Variants in CADM2 observed in about 807,000 individuals in gnomAD.
CADM2 encodes cell adhesion molecule 2.
CADM2 carries 12 observed loss-of-function variants against 49.8 expected under a neutral mutation model. That is an observed-to-expected ratio of 0.24 (90% CI 0.15 to 0.39). The LOEUF is 0.39. Among genes scored for constraint, CADM2 ranks in the 10% least tolerant of loss-of-function variants. The pLI is 1.00. For missense variants in CADM2, 378 were observed against 492.3 expected, an observed-to-expected ratio of 0.77 and a Z score of 2.20; for synonymous variants, 214 against 175.4, an observed-to-expected ratio of 1.22 and a Z score of -1.74.
At chr3:85,854,731 T>A (rs1031071095) in intron 3 of CADM2, among the ~76,000 whole-genome samples, 2 of 152,128 alleles carry the variant, frequency 1.3e-5, no homozygotes, top group Non-Finnish European at 2.9e-5. Flanking sequence ...TATACCTATG[T>A]AACAAGCCTG....
At chr3:85,759,703 T>C (rs2069283960) in intron 2 of CADM2, among the ~76,000 whole-genome samples, 1 of 152,140 alleles carries the variant, frequency 6.6e-6, no homozygotes, top group African/African-American at 2.4e-5. Flanking sequence ...TCTGGAAATA[T>C]AGTCTTTATT....
chr3:85,211,852 A>AT (rs2041787522), intron 1 of CADM2, among the ~76,000 whole-genome samples: 1 of 151,994 alleles, frequency 6.6e-6, no homozygotes, highest in Admixed American at 6.6e-5. Context: ...TGTCTGGATG[A>AT]TTTTTCAAAT....
intron 1 of CADM2, among the ~76,000 whole-genome samples, chr3:85,059,476 G>A (rs1176867219): frequency 6.6e-6 from 1 of 152,074 alleles, no homozygotes; most frequent in East Asian, 1.9e-4. Context: ...GAGTAGACAA[G>A]TAAATCAAAG....
chr3:85,296,294 C>T (rs1180163013), intron 1 of CADM2, among the ~76,000 whole-genome samples: 1 of 151,766 alleles, frequency 6.6e-6, no homozygotes, highest in Non-Finnish European at 1.5e-5. Flanking sequence ...AGAAGCAGTA[C>T]AAGAATTAAT....
chr3:85,917,599 C>T (rs535103695), intron 6 of CADM2, among the ~76,000 whole-genome samples: 2 of 152,014 alleles, frequency 1.3e-5, no homozygotes, highest in Non-Finnish European at 2.9e-5. Flanking sequence ...AGTCAGGTAG[C>T]GTGATGCCTC....
intron 1 of CADM2, among the ~76,000 whole-genome samples, chr3:85,546,319 G>A (rs779027385): frequency 6.6e-6 from 1 of 152,096 alleles, no homozygotes; most frequent in African/African-American, 2.4e-5. Context: ...TTTACATTTT[G>A]AGTTGCTTCT....
chr3:86,071,514 A>G lies in CADM2; in HGVS notation c.*4731A>G, dbSNP rs1739864686. The G allele has an allele frequency of 6.6e-6, 1 of 151,934 alleles. No individual in the cohort carries two copies. Among genetic ancestry groups the G allele is most frequent in the Admixed American group, 6.6e-5 (1 of 15,234 alleles). The allele number at this position is 151,934 out of a possible 1,614,324, so 9.4% of individuals were successfully genotyped here. A position where few individuals can be genotyped will look rare whatever the true frequency, so the allele number is the denominator to read the frequency against. On this transcript the variant is annotated 3_prime_UTR_variant, in exon 10 of 10. Transcript: ENST00000383699. The stretch of plus-strand genomic sequence containing the variant: ...ATATTGAATGCAATAGTTATTGGAT[A>G]TAGCTGGTAAGTTCTCTGCCATGCA...
At chr3:85,605,322 A>T (rs1559938540) in intron 1 of CADM2, among the ~76,000 whole-genome samples, 1 of 152,046 alleles carries the variant, frequency 6.6e-6, no homozygotes, top group Non-Finnish European at 1.5e-5. Context: ...TATTCTCCAG[A>T]CTTAATCCAT....
At chr3:86,025,810 G>A (rs1429791642) in intron 8 of CADM2, among the ~76,000 whole-genome samples, 1 of 151,778 alleles carries the variant, frequency 6.6e-6, no homozygotes, top group Non-Finnish European at 1.5e-5. Flanking sequence ...TAATAATCTG[G>A]AACTAAACAT....
chr3:86,037,964 G>T (rs2107207866), intron 8 of CADM2, among the ~76,000 whole-genome samples: 1 of 152,182 alleles, frequency 6.6e-6, no homozygotes, highest in South Asian at 2.1e-4. Flanking sequence ...TTAGGTATTT[G>T]TGCTAATGAT....
At chr3:85,791,447 T>A (rs1311616890) in intron 2 of CADM2, among the ~76,000 whole-genome samples, 4 of 151,600 alleles carry the variant, frequency 2.6e-5, no homozygotes, top group Non-Finnish European at 5.9e-5. Context: ...TCTTGAACTT[T>A]CTAAGACACA....
intron 1 of CADM2, among the ~76,000 whole-genome samples, chr3:85,368,079 C>A (rs145972348): frequency 1.3e-5 from 2 of 152,076 alleles, no homozygotes; most frequent in East Asian, 3.9e-4. Context: ...CTTTTTATGG[C>A]CCCTTAGCAA....
chr3:85,509,334 C>A (rs1375967109), intron 1 of CADM2, among the ~76,000 whole-genome samples: 1 of 152,062 alleles, frequency 6.6e-6, no homozygotes, highest in Non-Finnish European at 1.5e-5. Flanking sequence ...TAAGAACCAG[C>A]CAGCACATCA....
intron 3 of CADM2, among the ~76,000 whole-genome samples, chr3:85,840,111 GT>G (rs1227865259): frequency 6.6e-6 from 1 of 151,720 alleles, no homozygotes; most frequent in Non-Finnish European, 1.5e-5. Flanking sequence ...TGACAGCCAT[GT>G]TTTTTAGTTC....
chr3:85,850,444 C>T (rs1264482379), intron 3 of CADM2, among the ~76,000 whole-genome samples: 2 of 151,292 alleles, frequency 1.3e-5, no homozygotes, highest in African/African-American at 2.4e-5. Flanking sequence ...CCTGCCTCAG[C>T]CTCCTGAGTA....
intron 8 of CADM2, among the ~76,000 whole-genome samples, chr3:85,995,613 G>A (rs1407830320): frequency 6.6e-6 from 1 of 152,072 alleles, no homozygotes; most frequent in Non-Finnish European, 1.5e-5. Context: ...ATTTACTTAT[G>A]ACCATACACT....
At chr3:85,049,295 A>C (rs2035785798) in intron 1 of CADM2, among the ~76,000 whole-genome samples, 1 of 152,088 alleles carries the variant, frequency 6.6e-6, no homozygotes, top group Non-Finnish European at 1.5e-5. Context: ...GAAGTGATGG[A>C]GATAATTAAA....
At chr3:85,847,639 C>A (rs2074937149) in intron 3 of CADM2, among the ~76,000 whole-genome samples, 1 of 152,114 alleles carries the variant, frequency 6.6e-6, no homozygotes, top group Non-Finnish European at 1.5e-5. Context: ...CCTATTAGCA[C>A]ACTAGAAGCT....
chr3:85,559,095 G>A (rs1387950872), intron 1 of CADM2, among the ~76,000 whole-genome samples: 2 of 151,818 alleles, frequency 1.3e-5, no homozygotes, highest in African/African-American at 4.8e-5. Flanking sequence ...AGTGGCTTGA[G>A]GCTCTTTTCT....
Sources: gnomAD v4.1 joint callset for allele counts (sites outside exome capture counted in the v4.1 genomes callset) on GRCh38, gnomAD v4.1.1 for gene constraint, MANE v1.5 for transcripts, NCBI Gene and HGNC (gene_info 2026-07-23, HGNC 2026-07-21) for gene names.